Variants in PYY observed in about 807,000 individuals in gnomAD.
PYY encodes the protein peptide YY, also known as peptide tyrosine tyrosine.
PYY carries 12 observed loss-of-function variants against 10.3 expected under a neutral mutation model. The observed-to-expected ratio is 1.17, with a 90% CI of 0.75 to 1.89. PYY has a LOEUF of 1.89. PYY is among the 40% of genes most tolerant of loss of function. PYY has a pLI of 0.00. For missense variants in PYY, 141 were observed against 134.0 expected (o/e 1.05, Z -0.26); for synonymous variants, 66 against 62.0 (o/e 1.06, Z -0.30).
At chr17:43,958,944 C>T (rs2048693754) in intron 2 of PYY, among the ~76,000 whole-genome samples, 1 of 152,114 alleles carries the variant, frequency 6.6e-6, no homozygotes, top group Non-Finnish European at 1.5e-5. Flanking sequence ...AAGTAATACA[C>T]AAAGAGATTT....
intron 1 of PYY, among the ~76,000 whole-genome samples, chr17:43,972,837 C>T (rs1320644962): frequency 3.3e-5 from 5 of 152,214 alleles, no homozygotes; most frequent in African/African-American, 9.6e-5. Context: ...CTGCCTCAGC[C>T]TCCCAGGTAG....
At chr17:43,986,323 C>T (rs1439821325) in intron 1 of PYY, among the ~76,000 whole-genome samples, 2 of 152,110 alleles carry the variant, frequency 1.3e-5, no homozygotes, top group Non-Finnish European at 2.9e-5. Flanking sequence ...TTCCTGAACA[C>T]GTCGTGCCCA....
At chr17:43,976,179 A>ACATATATACG (rs1301465473) in intron 1 of PYY, among the ~76,000 whole-genome samples, 7 of 84,742 alleles carry the variant, frequency 8.3e-5, no homozygotes, top group African/African-American at 7.1e-4. Context: ...ATATATGTAT[A>ACATATATACG]TATACGTATA....
intron 1 of PYY, among the ~76,000 whole-genome samples, chr17:43,980,508 T>C (rs906359414): frequency 2.0e-5 from 3 of 151,796 alleles, no homozygotes; most frequent in African/African-American, 7.3e-5. Flanking sequence ...AGGGTCTCAC[T>C]CTGTCACCCA....
chr17:43,974,120 CTTA>C (rs1472203000), intron 1 of PYY, among the ~76,000 whole-genome samples: 1 of 152,018 alleles, frequency 6.6e-6, no homozygotes, highest in Non-Finnish European at 1.5e-5. Flanking sequence ...TATCAATCTG[CTTA>C]TTATTATATC....
chr17:43,999,982 G>A (rs1807150923), intron 1 of PYY, among the ~76,000 whole-genome samples: 1 of 151,944 alleles, frequency 6.6e-6, no homozygotes, highest in Admixed American at 6.6e-5. Context: ...GCAGAGACAT[G>A]GGTGCCTATG....
At chr17:43,994,890 C>G (rs1205353688) in intron 1 of PYY, among the ~76,000 whole-genome samples, 1 of 152,158 alleles carries the variant, frequency 6.6e-6, no homozygotes, top group Non-Finnish European at 1.5e-5. Flanking sequence ...GGGGGAAAGG[C>G]GGTAAGCATG....
intron 1 of PYY, among the ~76,000 whole-genome samples, chr17:43,983,501 G>C (rs1368297023): frequency 6.6e-6 from 1 of 152,202 alleles, no homozygotes; most frequent in Non-Finnish European, 1.5e-5. Context: ...CTGGGTGCCT[G>C]TTCCCAAGGG....
intron 1 of PYY, among the ~76,000 whole-genome samples, chr17:43,974,539 G>A (rs572310378): frequency 6.6e-6 from 1 of 152,236 alleles, no homozygotes; most frequent in African/African-American, 2.4e-5. Context: ...GTGAAAAATA[G>A]GTCATAAAAG....
intron 1 of PYY, among the ~76,000 whole-genome samples, chr17:43,994,069 G>A (rs1467458738): frequency 6.6e-6 from 1 of 152,052 alleles, no homozygotes; most frequent in Non-Finnish European, 1.5e-5. Flanking sequence ...ACCTGGGCTT[G>A]TCTCAGACTC....
Position 43,952,965 on chromosome 17 carries a change from G to A in PYY, c.285C>T (p.Asp95=), listed in dbSNP as rs767100394. 1.3e-6 allele frequency: 2 copies of A among 1,566,976 alleles called. No homozygotes were observed. Among genetic ancestry groups the A allele is most frequent in the Admixed American group, 1.9e-5 (1 of 52,362 alleles). The change falls in exon 4 of 4, where the codon GAC becomes GAT. Residue 95 remains aspartate (D), a synonymous_variant. Transcript: ENST00000692052. ...RPVRSRSEGP[D]LW ...GAGGCCTCAGGGGTCCTCACCACAG[G>A]TCTGGGCCCTCCGACCTGCGGAAGC...
rs1162426873 is a variant in PYY, at chr17:43,963,570, AAAAGAAAGAAAGAAAGAAAG to A, written c.-218+2698_-218+2717del. Among the ~76,000 whole-genome samples the A allele has an allele frequency of 3.0e-4, 31 of 104,648 alleles. 1 individual carries two copies. The highest frequency in any genetic ancestry group is 1.6e-3 in the Admixed American group (14 of 8,490). The allele number at this position is 104,648 out of a possible 152,430, so 68.7% of individuals were successfully genotyped here. On this transcript the variant is annotated intron_variant, in intron 2 of 6. Coordinates refer to the PYY transcript ENST00000360085. ...AAGGGAAGGAAGGAAGGAAGGAAGG[AAAAGAAAGAAAGAAAGAAAG>A]AAAGAAAGAAAGAAAGAAAGAAAGA...
chr17:43,953,124 C>T lies in PYY; in HGVS notation c.254G>A (p.Arg85His), dbSNP rs754686832. Residue 85 changes from arginine to histidine, a missense_variant, in exon 3 of 4, where the codon CGC becomes CAC. Arg to His is a conservative substitution (Grantham distance 29). Transcript: ENST00000692052. ...GCGCTTTTACCGCGACCTGACGGGG[C>T]GGTCCTCGCCGTCGGGGAAGAACGT... ...SKTFFPDGED[R>H]PVRSRSEGPD... 8 of 1,613,866 alleles carry T rather than the reference C, an allele frequency of 5.0e-6. No individual in the cohort carries two copies. Among genetic ancestry groups the T allele is most frequent in the South Asian group, 2.2e-5 (2 of 91,078 alleles).
intron 1 of PYY, among the ~76,000 whole-genome samples, chr17:44,000,300 G>A (rs929907642): frequency 6.6e-6 from 1 of 152,162 alleles, no homozygotes; most frequent in African/African-American, 2.4e-5. Flanking sequence ...ATTTGATCAG[G>A]GTTTCTGTCA....
intron 1 of PYY, among the ~76,000 whole-genome samples, chr17:43,976,190 T>A (rs563119458): frequency 6.9e-6 from 1 of 144,192 alleles, no homozygotes; most frequent in Non-Finnish European, 1.5e-5. Flanking sequence ...TATACGTATA[T>A]GTATACATAT....
chr17:43,994,880 G>A (rs984600003), intron 1 of PYY, among the ~76,000 whole-genome samples: 4 of 152,158 alleles, frequency 2.6e-5, no homozygotes, highest in Admixed American at 1.3e-4. Flanking sequence ...CCAGGGCCCC[G>A]GGGGAAAGGC....
rs1555617065 is a variant in PYY, at chr17:43,963,569, G to GA, written c.-218+2718dup. On this transcript the variant is annotated intron_variant, in intron 2 of 6. Transcript: ENST00000360085. ...GAAGGGAAGGAAGGAAGGAAGGAAG[G>GA]AAAAGAAAGAAAGAAAGAAAGAAAG... Among the ~76,000 whole-genome samples the GA allele has an allele frequency of 1.3e-3, 100 of 74,988 alleles. 1 individual carries two copies. Among genetic ancestry groups the GA allele is most frequent in the African/African-American group, 5.7e-3 (88 of 15,560 alleles). The allele number at this position is 74,988 out of a possible 152,430, so 49.2% of individuals were successfully genotyped here.
At chr17:43,990,497 A>G (rs1433725468) in intron 1 of PYY, among the ~76,000 whole-genome samples, 1 of 151,934 alleles carries the variant, frequency 6.6e-6, no homozygotes, top group Non-Finnish European at 1.5e-5. Flanking sequence ...AAGAGCATTA[A>G]AAATATTCAT....
chr17:43,953,140 G>C lies in PYY; in HGVS notation c.238C>G (p.Pro80Ala). 3 of 1,614,018 alleles carry C rather than the reference G, an allele frequency of 1.9e-6. No homozygotes were observed. The South Asian group carries it at 3.3e-5, about 18-fold the overall frequency. Reference protein sequence around the residue: ...PDTLLSKTFFPDGEDRPVRSR... With the variant: ...PDTLLSKTFFADGEDRPVRSR... The stretch of plus-strand genomic sequence containing the variant: ...CTGACGGGGCGGTCCTCGCCGTCGG[G>C]GAAGAACGTTTTGGAAAGAAGCGTG... Residue 80 changes from proline (P) to alanine (A), a missense_variant, in exon 3 of 4, where the codon CCC becomes GCC. Transcript: ENST00000692052.
Sources: gnomAD v4.1 joint callset for allele counts (sites outside exome capture counted in the v4.1 genomes callset) on GRCh38, gnomAD v4.1.1 for gene constraint, MANE v1.5 for transcripts, NCBI Gene and HGNC (gene_info 2026-07-23, HGNC 2026-07-21) for gene names.